The following GRID1 variants were observed in gnomAD, a reference collection of about 807,000 sequenced individuals.
GRID1 encodes the protein glutamate receptor ionotropic, delta-1.
A neutral mutation model predicts 98.0 loss-of-function variants in GRID1; 28 were observed. The ratio of observed to expected loss-of-function variants is 0.29; its 90% CI spans 0.21 to 0.39. The LOEUF (loss-of-function observed/expected upper bound fraction) is 0.39, where lower values mean the gene tolerates loss of function less well. Among genes scored for constraint, GRID1 ranks in the 10% least tolerant of loss-of-function variants. The probability of loss-of-function intolerance (pLI) is 1.00; values close to 1 mark genes in which losing one functional copy is unlikely to be tolerated. For missense variants in GRID1, 1,111 were observed against 1,340.5 expected (o/e 0.83, Z 2.67); for synonymous variants, 553 against 538.5 (o/e 1.03, Z -0.37).
chr10:86,212,439 C>A (rs994183758), intron 2 of GRID1, among the ~76,000 whole-genome samples: 2 of 152,260 alleles, frequency 1.3e-5, no homozygotes, highest in African/African-American at 2.4e-5. Context: ...TGGGGAGAAA[C>A]AACCTGATGC....
intron 4 of GRID1, among the ~76,000 whole-genome samples, chr10:85,961,825 C>T (rs1842271576): frequency 6.6e-6 from 1 of 151,814 alleles, no homozygotes; most frequent in Non-Finnish European, 1.5e-5. Flanking sequence ...CTCCCTCCCT[C>T]TTTCCTGCCT....
In GRID1 at chr10:86,248,611, T is replaced by C. The variant is rs558302646; in HGVS notation, c.236-41963A>G. 1.3e-3 allele frequency among the ~76,000 whole-genome samples: 181 copies of C among 140,782 alleles called. 1 individual carries two copies. Among genetic ancestry groups the C allele is most frequent in the Non-Finnish European group, 1.9e-3 (126 of 66,512 alleles). The allele number at this position is 140,782 out of a possible 152,430, so 92.4% of individuals were successfully genotyped here. On this transcript the variant is annotated intron_variant, in intron 2 of 15. Transcript: ENST00000327946. ...TTTTTTTTTTGAGACAAGGTCTCAC[T>C]CTGTTGCCCTGGCTGCAGCGGCACA... is the stretch of plus-strand genomic sequence containing the variant.
At chr10:85,953,889 A>G (rs1247924294) in intron 4 of GRID1, among the ~76,000 whole-genome samples, 5 of 152,042 alleles carry the variant, frequency 3.3e-5, no homozygotes. Context: ...ATGTTTTCCT[A>G]TTAAGCTTTT....
chr10:85,895,522 C>G (rs1426781990), intron 5 of GRID1, among the ~76,000 whole-genome samples: 3 of 152,136 alleles, frequency 2.0e-5, no homozygotes, highest in African/African-American at 7.2e-5. Context: ...TATTAACTGT[C>G]TGTCCACATT....
At chr10:85,861,472 C>A (rs1047289119) in intron 6 of GRID1, among the ~76,000 whole-genome samples, 5 of 152,216 alleles carry the variant, frequency 3.3e-5, no homozygotes, top group African/African-American at 1.2e-4. Flanking sequence ...AAGGCCACTT[C>A]TCTGCCCCTA....
At chr10:86,323,356 G>A (rs1847996828) in intron 2 of GRID1, among the ~76,000 whole-genome samples, 1 of 152,190 alleles carries the variant, frequency 6.6e-6, no homozygotes, top group South Asian at 2.1e-4. Context: ...ATAAAGCACT[G>A]GTGCAGAGCA....
intron 5 of GRID1, among the ~76,000 whole-genome samples, chr10:85,914,255 T>C (rs1841580368): frequency 6.6e-6 from 1 of 152,138 alleles, no homozygotes; most frequent in African/African-American, 2.4e-5. Context: ...AGGTTAGGAA[T>C]GTAAAAACGG....
intron 3 of GRID1, among the ~76,000 whole-genome samples, chr10:86,201,860 T>A (rs7069218): frequency 0.43 from 65,182 of 151,720 alleles, 14,345 homozygotes; most frequent in Non-Finnish European, 0.49. Flanking sequence ...AAAGCGAGGG[T>A]CTTGTTAGCA....
intron 4 of GRID1, among the ~76,000 whole-genome samples, chr10:86,070,631 A>G (rs1012925022): frequency 6.6e-6 from 1 of 152,134 alleles, no homozygotes; most frequent in African/African-American, 2.4e-5. Flanking sequence ...AACCTTCAGG[A>G]CAGCCCACAA....
rs536376388 is a variant in GRID1 at position 86,323,236 on chromosome 10, C to G, written c.235+40705G>C. 3.3e-5 allele frequency among the ~76,000 whole-genome samples: 5 copies of G among 152,332 alleles called. No individual in the cohort carries two copies. The South Asian group carries it at 8.3e-4, about 25-fold the overall frequency. ...AGAGCCGGGGTGGCCTCTTTCCTAG[C>G]TGAAGGGATGTGGGGCTTCTCTTCA... On this transcript the variant is annotated intron_variant, in intron 2 of 15. Coordinates refer to ENST00000327946, the MANE Select transcript of GRID1 (RefSeq NM_017551.3).
chr10:85,836,592 T>C lies in GRID1; in HGVS notation c.1233+17904A>G, dbSNP rs186945719. 2.0e-5 allele frequency among the ~76,000 whole-genome samples: 3 copies of C among 152,010 alleles called. No homozygotes were observed. In the East Asian group the frequency reaches 5.9e-4, roughly 30 times the overall value. The stretch of plus-strand genomic sequence containing the variant: ...TAGCAGGGATAGCTGATTAGAGAAG[T>C]GGTGGGGCAGCAGCCAGCTGATGTA... On this transcript the variant is annotated intron_variant, in intron 8 of 15. Coordinates refer to ENST00000327946, the MANE Select transcript of GRID1 (RefSeq NM_017551.3).
At chr10:86,241,024 G>A (rs1435006251) in intron 2 of GRID1, among the ~76,000 whole-genome samples, 1 of 152,218 alleles carries the variant, frequency 6.6e-6, no homozygotes, top group Non-Finnish European at 1.5e-5. Flanking sequence ...AGCACACAAG[G>A]AGACACAGCC....
intron 2 of GRID1, among the ~76,000 whole-genome samples, chr10:86,344,445 C>A (rs1158716939): frequency 1.3e-5 from 2 of 152,170 alleles, no homozygotes; most frequent in East Asian, 3.8e-4. Flanking sequence ...CACCTGCCTT[C>A]CCCCCAGCCA....
At chr10:86,180,360 C>A (rs1845637946) in intron 3 of GRID1, among the ~76,000 whole-genome samples, 1 of 152,148 alleles carries the variant, frequency 6.6e-6, no homozygotes, top group African/African-American at 2.4e-5. Context: ...CATGCTTGGG[C>A]AGGTGTGACA....
chr10:86,102,198 G>GC (rs1844306301), intron 4 of GRID1, among the ~76,000 whole-genome samples: 1 of 152,246 alleles, frequency 6.6e-6, no homozygotes, highest in Non-Finnish European at 1.5e-5. Flanking sequence ...ATTTTAACAG[G>GC]CCACTCTGGC....
intron 12 of GRID1, among the ~76,000 whole-genome samples, chr10:85,708,132 C>T (rs1019954303): frequency 1.2e-5 from 1 of 85,650 alleles, no homozygotes; most frequent in African/African-American, 4.7e-5. Flanking sequence ...AAAAAAAAAA[C>T]ACAAGATTAG....
chr10:86,058,221 T>C (rs1843601136), intron 4 of GRID1, among the ~76,000 whole-genome samples: 4 of 152,156 alleles, frequency 2.6e-5, no homozygotes, highest in Admixed American at 2.6e-4. Context: ...AGCAAGAGGC[T>C]GGATGGAACA....
intron 12 of GRID1, chr10:85,647,743 G>A (rs1779062345): frequency 5.0e-6 from 1 of 200,834 alleles, no homozygotes; most frequent in Non-Finnish European, 1.0e-5. Context: ...TATAGACAGA[G>A]AATCATAGTA....
chr10:85,821,539 A>AAAAAAAAAAAAAAAAAAAAGCAAACAAAC (rs770693495), intron 8 of GRID1, among the ~76,000 whole-genome samples: 8 of 97,622 alleles, frequency 8.2e-5, no homozygotes, highest in Non-Finnish European at 1.5e-4. Context: ...AAAAAAAAAA[A>AAAAAAAAAAAAAAAAAAAAGCAAACAAAC]AAAAAAGAAA....
Sources: allele counts gnomAD v4.1 joint callset (sites outside exome capture counted in the v4.1 genomes callset), GRCh38; gene constraint gnomAD v4.1.1; transcripts MANE v1.5; gene names NCBI Gene and HGNC (gene_info 2026-07-23, HGNC 2026-07-21).